The following STARD9 variants were observed in gnomAD, a reference collection of about 807,000 sequenced individuals.
STARD9 encodes stAR-related lipid transfer protein 9.
In STARD9, 346 loss-of-function variants were observed where a neutral mutation model predicts 399.8. That is an observed-to-expected ratio of 0.87 (90% CI 0.79 to 0.95). The LOEUF (loss-of-function observed/expected upper bound fraction) is 0.95. Ranked by LOEUF, STARD9 falls within the 40% of genes least tolerant of loss-of-function variation. The pLI is 0.00. For missense variants in STARD9, 5,832 were observed against 5,667.5 expected (o/e 1.03, Z -0.93); for synonymous variants, 2,203 against 2,143.5 (o/e 1.03, Z -0.77).
At chr15:42,575,834 C>G (rs1017723078) in intron 1 of STARD9, 72 bp downstream of exon 1, 1 of 1,456,574 alleles carries the variant, frequency 6.9e-7, no homozygotes. Flanking sequence ...GCGTCTCCCC[C>G]TGCAGAGATT....
intron 26 of STARD9, among the ~76,000 whole-genome samples, chr15:42,699,640 G>T (rs545543751): frequency 6.6e-6 from 1 of 151,542 alleles, no homozygotes; most frequent in Non-Finnish European, 1.5e-5. Context: ...TGATCTGCCC[G>T]CCTTGGCCTC....
Position 42,686,930 on chromosome 15 carries a change from C to T in STARD9, c.5352C>T (p.His1784=). The T allele has an allele frequency of 6.5e-7, 1 of 1,536,780 alleles. No homozygotes were observed. Among genetic ancestry groups the T allele is most frequent in the Non-Finnish European group, 8.7e-7 (1 of 1,146,858 alleles). Residue 1784 remains histidine, a synonymous_variant, in exon 23 of 33, where the codon CAC becomes CAT. Transcript: ENST00000290607. ...PPPREAWGFG[H]NHQALQGAYL... ...CCAGGGAAGCCTGGGGCTTTGGTCA[C>T]AACCACCAAGCTCTCCAAGGTGCTT...
At chr15:42,655,169 C>A (rs1289986708) in intron 9 of STARD9, among the ~76,000 whole-genome samples, 2 of 152,154 alleles carry the variant, frequency 1.3e-5, no homozygotes, top group Non-Finnish European at 2.9e-5. Context: ...GTAATCCCAG[C>A]TATTCGGGAG....
At chr15:42,576,610 A>T (rs2141629527) in intron 1 of STARD9, among the ~76,000 whole-genome samples, 1 of 152,236 alleles carries the variant, frequency 6.6e-6, no homozygotes, top group South Asian at 2.1e-4. Context: ...TGAGTGGTGG[A>T]AGGTAAATCT....
intron 3 of STARD9, among the ~76,000 whole-genome samples, chr15:42,600,600 A>G (rs1373361776): frequency 6.7e-6 from 1 of 148,178 alleles, no homozygotes; most frequent in Non-Finnish European, 1.5e-5. Context: ...ATCTTGGCTC[A>G]CTGCAACCTC....
intron 3 of STARD9, among the ~76,000 whole-genome samples, chr15:42,599,467 AC>A (rs1488119169): frequency 1.3e-5 from 2 of 152,148 alleles, no homozygotes; most frequent in African/African-American, 2.4e-5. Flanking sequence ...GTATATTAAT[AC>A]ATCTCACCTC....
At chr15:42,601,559 G>C in intron 3 of STARD9, among the ~76,000 whole-genome samples, 1 of 149,740 alleles carries the variant, frequency 6.7e-6, no homozygotes, top group African/African-American at 2.4e-5. Flanking sequence ...CGGACGGGGC[G>C]GCTGGCTGGG....
Position 42,691,726 on chromosome 15 carries a change from A to G in STARD9, c.10148A>G (p.Asn3383Ser), listed in dbSNP as rs1458351563. 2.6e-6 allele frequency: 4 copies of G among 1,537,122 alleles called. No individual in the cohort carries two copies. The highest frequency in any genetic ancestry group is 2.7e-5 in the African/African-American group (2 of 73,038). ...ARTSLQAEDS[N>S]QKASSRLDDG... ...ACATCTCTGCAGGCTGAGGACAGCA[A>G]TCAGAAAGCCTCATCTCGCTTGGAT... The change falls in exon 23 of 33, where the codon AAT (asparagine) becomes AGT (serine). Residue 3383 changes from asparagine to serine, a missense_variant. Physicochemically the swap from Asn to Ser is conservative, Grantham distance 46. Coordinates refer to ENST00000290607, the MANE Select transcript of STARD9 (RefSeq NM_020759.3).
rs865922497 is a variant in STARD9, at chr15:42,699,820, C to A, written c.13284+3940C>A. 3.3e-5 allele frequency among the ~76,000 whole-genome samples: 5 copies of A among 152,210 alleles called. 1 individual carries two copies. In the South Asian group the frequency reaches 1.0e-3, roughly 32 times the overall value. On this transcript the variant is annotated intron_variant, in intron 26 of 32. Coordinates refer to ENST00000290607, the MANE Select transcript of STARD9 (RefSeq NM_020759.3). ...CTCCCGGGTTCAAGCGATTCTCATGCCTCAGCTTCCCAAGTAGCTAGAATT... is the reference window on the plus strand; with the variant it reads ...CTCCCGGGTTCAAGCGATTCTCATGACTCAGCTTCCCAAGTAGCTAGAATT...
chr15:42,672,727 T>A (rs891605238), intron 16 of STARD9: 3 of 152,262 alleles, frequency 2.0e-5, no homozygotes. Flanking sequence ...TCGCAAGCTA[T>A]TTTGGAGGAG....
intron 20 of STARD9, among the ~76,000 whole-genome samples, chr15:42,680,765 G>A (rs1348175869): frequency 1.3e-5 from 2 of 152,110 alleles, no homozygotes; most frequent in African/African-American, 2.4e-5. Flanking sequence ...TATTTCACCA[G>A]TAAATGCTTC....
rs116577053 is a variant in STARD9, at chr15:42,649,466, C to G, written c.560-1550C>G. ...TATATTGAGTTTTTATTTTCACTTA[C>G]AGTATTATTTCTCAGATATCCATTT... is the stretch of plus-strand genomic sequence containing the variant. On this transcript the variant is annotated intron_variant, in intron 7 of 32. Transcript: ENST00000290607. 3.6e-3 allele frequency among the ~76,000 whole-genome samples: 553 copies of G among 152,204 alleles called. 4 individuals carry two copies. The highest frequency in any genetic ancestry group is 0.013 in the African/African-American group (532 of 41,524).
chr15:42,714,058 ATTTTT>A (rs35057586), intron 26 of STARD9, among the ~76,000 whole-genome samples: 1 of 119,172 alleles, frequency 8.4e-6, no homozygotes, highest in Non-Finnish European at 1.7e-5. Flanking sequence ...ATGCACTAAG[ATTTTT>A]TTTTTTTTTT....
At position 42,692,033 on chromosome 15, in the gene STARD9, GTA is replaced by G. The variant is rs1566947317; in HGVS notation, c.10459_10460del (p.Met3487ValfsTer50). On this transcript the variant is annotated frameshift_variant, in exon 23 of 33. Coordinates refer to ENST00000290607, the MANE Select transcript of STARD9 (RefSeq NM_020759.3). LOFTEE classifies it high-confidence loss of function. ...EEPARISWKQ[Y>X]MSGSAVDVSC... ...AGCCTGCACGTATCAGCTGGAAGCA[GTA>G]TATGTCTGGCAGTGCAGTCGATGTT... The G allele has an allele frequency of 1.2e-5, 19 of 1,537,156 alleles. No individual in the cohort carries two copies. The highest frequency in any genetic ancestry group is 1.4e-5 in the Non-Finnish European group (16 of 1,146,928).
intron 3 of STARD9, among the ~76,000 whole-genome samples, chr15:42,591,089 A>G (rs965440092): frequency 2.0e-5 from 3 of 152,146 alleles, no homozygotes; most frequent in Non-Finnish European, 4.4e-5. Flanking sequence ...TTGACCATAT[A>G]ATTCTTTGTT....
At chr15:42,637,983 C>CTACA (rs1162840942) in intron 5 of STARD9, 43 bp from the exon 6 acceptor site, 3 of 1,537,184 alleles carry the variant, frequency 2.0e-6, no homozygotes, top group Non-Finnish European at 2.6e-6. Flanking sequence ...GTAGGTCTCT[C>CTACA]TACAATTCCT....
chr15:42,686,729 T>C lies in STARD9; in HGVS notation c.5151T>C (p.Phe1717=). 2 of 1,537,638 alleles carry C rather than the reference T, an allele frequency of 1.3e-6. No individual in the cohort carries two copies. The highest frequency in any genetic ancestry group is 8.7e-7 in the Non-Finnish European group (1 of 1,147,010). Residue 1717 remains phenylalanine, a synonymous_variant, in exon 23 of 33, where the codon TTT becomes TTC. Coordinates refer to ENST00000290607, the MANE Select transcript of STARD9 (RefSeq NM_020759.3). ...EAVRRHINVS[F]ALPSGPELYL... ...TTAGAAGACACATAAATGTTTCCTT[T>C]GCCCTTCCTTCAGGTCCAGAGCTAT...
At chr15:42,665,228 G>A (rs1322870112) in intron 13 of STARD9, 25 bp from the exon 14 acceptor site, 2 of 1,519,770 alleles carry the variant, frequency 1.3e-6, no homozygotes, top group South Asian at 1.2e-5. Context: ...AACAATCAGT[G>A]GTGATGGAGT....
At chr15:42,644,420 G>A (rs1435655537) in intron 7 of STARD9, among the ~76,000 whole-genome samples, 1 of 152,102 alleles carries the variant, frequency 6.6e-6, no homozygotes, top group African/African-American at 2.4e-5. Context: ...ATGAACCCGG[G>A]AGGCAGAGAT....
Sources: gnomAD v4.1 joint callset for allele counts (sites outside exome capture counted in the v4.1 genomes callset) on GRCh38, gnomAD v4.1.1 for gene constraint, MANE v1.5 for transcripts, NCBI Gene and HGNC (gene_info 2026-07-23, HGNC 2026-07-21) for gene names.